TEX14: variants seen among roughly 807,000 people sequenced by gnomAD.
The protein encoded by TEX14 is testis expressed 14, intercellular bridge forming factor.
In TEX14, 168 loss-of-function variants were observed where a neutral mutation model predicts 178.6. The observed-to-expected ratio is 0.94, with a 90% confidence interval of 0.83 to 1.07. The LOEUF is 1.07. Ranked by LOEUF, TEX14 falls within the 50% of genes least tolerant of loss-of-function variation. The pLI is 0.00. For missense variants in TEX14, 1,730 were observed against 1,753.6 expected (o/e 0.99, Z 0.24); for synonymous variants, 626 against 634.1 (o/e 0.99, Z 0.19).
chr17:58,572,589 G>A (rs1011511414), intron 23 of TEX14, among the ~76,000 whole-genome samples: 3 of 150,160 alleles, frequency 2.0e-5, no homozygotes, highest in East Asian at 2.0e-4. Flanking sequence ...CCGAGATTGC[G>A]CCACTGCACT....
intron 10 of TEX14, among the ~76,000 whole-genome samples, chr17:58,607,950 A>G (rs1210048424): frequency 2.0e-5 from 3 of 152,072 alleles, no homozygotes; most frequent in East Asian, 1.9e-4. Flanking sequence ...CCACTGTACT[A>G]TGGCCTGGGC....
intron 1 of TEX14, among the ~76,000 whole-genome samples, chr17:58,676,093 C>T (rs930723788): frequency 6.6e-5 from 10 of 151,998 alleles, no homozygotes; most frequent in Non-Finnish European, 1.5e-4. Flanking sequence ...AAAAATTAGT[C>T]GGCCAGGTGC....
intron 1 of TEX14, among the ~76,000 whole-genome samples, chr17:58,687,917 G>C (rs1858091557): frequency 6.6e-6 from 1 of 152,086 alleles, no homozygotes; most frequent in African/African-American, 2.4e-5. Flanking sequence ...AGCTCCATGA[G>C]GGCAGAGAAT....
intron 1 of TEX14, chr17:58,661,831 TAAA>T (rs1185047597): frequency 4.3e-6 from 2 of 463,454 alleles, no homozygotes; most frequent in African/African-American, 4.0e-5. Context: ...TTCCGTTTCC[TAAA>T]ATTGTAAAGT....
chr17:58,602,948 C>A (rs1015486226), intron 11 of TEX14, among the ~76,000 whole-genome samples: 1 of 151,806 alleles, frequency 6.6e-6, no homozygotes, highest in African/African-American at 2.4e-5. Flanking sequence ...CACCTGCAAT[C>A]CCAGCCACTC....
chr17:58,572,625 C>CT (rs899148764), intron 23 of TEX14, among the ~76,000 whole-genome samples: 2 of 145,692 alleles, frequency 1.4e-5, no homozygotes, highest in African/African-American at 5.1e-5. Context: ...GAGTGAGACT[C>CT]TGTCTTTAAA....
chr17:58,685,822 T>A (rs1316941377), intron 1 of TEX14, among the ~76,000 whole-genome samples: 1 of 150,680 alleles, frequency 6.6e-6, no homozygotes, highest in Non-Finnish European at 1.5e-5. Context: ...TGAAACACCA[T>A]CTCTACTAAA....
At chr17:58,643,422 AC>A (rs2046618641) in intron 2 of TEX14, among the ~76,000 whole-genome samples, 1 of 151,856 alleles carries the variant, frequency 6.6e-6, no homozygotes, top group South Asian at 2.1e-4. Flanking sequence ...TTCCTCCCAA[AC>A]GTATTTCTCT....
intron 2 of TEX14, among the ~76,000 whole-genome samples, chr17:58,642,799 C>A (rs2144614902): frequency 6.6e-6 from 1 of 152,270 alleles, no homozygotes; most frequent in East Asian, 1.9e-4. Flanking sequence ...CCTTGGCCTC[C>A]TCTGAGCAGT....
At chr17:58,639,715 G>A (rs1169726186) in intron 2 of TEX14, among the ~76,000 whole-genome samples, 4 of 152,132 alleles carry the variant, frequency 2.6e-5, no homozygotes. Context: ...GACAGTTTAA[G>A]GAAAGGGTGG....
intron 2 of TEX14, chr17:58,631,277 C>CA (rs1567747025): frequency 1.9e-5 from 4 of 205,296 alleles, no homozygotes; most frequent in Middle Eastern, 2.5e-3. Context: ...ACCTGGCCAA[C>CA]AAGGCGAAAT....
At chr17:58,599,989 C>G (rs1464782485) in intron 13 of TEX14, among the ~76,000 whole-genome samples, 1 of 151,990 alleles carries the variant, frequency 6.6e-6, no homozygotes. Flanking sequence ...ATTAGAGGCC[C>G]CTGAATCTTG....
chr17:58,565,765 C>G lies in TEX14; in HGVS notation c.3946G>C (p.Gly1316Arg), dbSNP rs766369106. 3 of 1,609,424 alleles carry G rather than the reference C, an allele frequency of 1.9e-6. No individual in the cohort carries two copies. In the African/African-American group the frequency reaches 4.0e-5, roughly 21 times the overall value. ...CACTTACCATTTGCAGTGCCTCCTC[C>G]ATCACTTGCTGTGTTCTCATGCAAC... ...TVLHENTASD[G>R]GGTANDQRHL... The change falls in exon 27 of 32, where the codon GGA (glycine) becomes CGA (arginine). Residue 1316 changes from glycine to arginine, a missense_variant. By Grantham distance (125) the Gly-to-Arg change is moderately radical (BLOSUM62 -2). This residue lies in a region of TEX14 where 941 missense variants were observed against 1,072.4 expected (regional missense o/e 0.88). Coordinates refer to ENST00000349033, the MANE Select transcript of TEX14 (RefSeq NM_031272.5).
At chr17:58,669,532 G>A (rs1244434099) in intron 1 of TEX14, among the ~76,000 whole-genome samples, 1 of 150,360 alleles carries the variant, frequency 6.7e-6, no homozygotes, top group Non-Finnish European at 1.5e-5. Flanking sequence ...TCAGGAGTTC[G>A]AAACCAGCCT....
chr17:58,688,274 C>A (rs1301805268), intron 1 of TEX14, among the ~76,000 whole-genome samples: 1 of 151,976 alleles, frequency 6.6e-6, no homozygotes, highest in Non-Finnish European at 1.5e-5. Flanking sequence ...GTACCCTCCA[C>A]CACCCCCAGT....
In TEX14 at chr17:58,562,626, T is replaced by C. The variant is rs545165574; in HGVS notation, c.4065-1014A>G. 1.3e-4 allele frequency among the ~76,000 whole-genome samples: 20 copies of C among 152,160 alleles called. 1 individual carries two copies. In the South Asian group the frequency reaches 3.9e-3, roughly 30 times the overall value. On this transcript the variant is annotated intron_variant, in intron 28 of 31. Coordinates refer to ENST00000349033, the MANE Select transcript of TEX14 (RefSeq NM_031272.5). ...TTCAAGCGATTCTCCTGCCTCAACCTCCTGAGTAGCTGGGACTACAGGTGT... is the reference window on the plus strand; with the variant it reads ...TTCAAGCGATTCTCCTGCCTCAACCCCCTGAGTAGCTGGGACTACAGGTGT...
chr17:58,590,064 C>T (rs951427925), intron 15 of TEX14, among the ~76,000 whole-genome samples: 62 of 151,942 alleles, frequency 4.1e-4, no homozygotes, highest in African/African-American at 1.5e-3. Flanking sequence ...AGATGGAGAC[C>T]ATCCTGGACA....
At chr17:58,688,937 A>C (rs1374089371) in intron 1 of TEX14, among the ~76,000 whole-genome samples, 1 of 151,874 alleles carries the variant, frequency 6.6e-6, no homozygotes, top group Non-Finnish European at 1.5e-5. Context: ...TTCTATACAT[A>C]TATTTTTTTT....
At chr17:58,565,692 TGCC>T in intron 27 of TEX14, 52 bp downstream of exon 27, 8 of 1,333,254 alleles carry the variant, frequency 6.0e-6, no homozygotes, top group Non-Finnish European at 8.5e-6. Context: ...ACCACTGTGT[TGCC>T]AAGGACAGCG....
Sources: gnomAD v4.1 joint callset for allele counts (sites outside exome capture counted in the v4.1 genomes callset) on GRCh38, gnomAD v4.1.1 for gene constraint, gnomAD v4.1.1 regional missense constraint, MANE v1.5 for transcripts, NCBI Gene and HGNC (gene_info 2026-07-23, HGNC 2026-07-21) for gene names.